Variants in ASPRV1 observed in about 807,000 individuals in gnomAD.
The protein encoded by ASPRV1 is aspartic peptidase retroviral like 1, also known as retroviral-like aspartic protease 1.
In ASPRV1, 7 loss-of-function variants were observed where a neutral mutation model predicts 11.0. That is an observed-to-expected ratio of 0.64 (90% CI 0.36 to 1.20). The LOEUF (loss-of-function observed/expected upper bound fraction) is 1.20. ASPRV1 is among the 50% of genes most tolerant of loss of function. The pLI is 0.02. For missense variants in ASPRV1, 299 were observed against 320.0 expected, an observed-to-expected ratio of 0.93 and a Z score of 0.50; for synonymous variants, 136 against 138.4, an observed-to-expected ratio of 0.98 and a Z score of 0.12.
chr2:70,060,501 T>C, the ASPRV1 span, among the ~76,000 whole-genome samples: 2 of 151,890 alleles, frequency 1.3e-5, no homozygotes, highest in South Asian at 2.1e-4. Context: ...AAGGCAACAA[T>C]ACATACAAAG....
At chr2:69,971,852 T>C in the ASPRV1 span, among the ~76,000 whole-genome samples, 2 of 152,184 alleles carry the variant, frequency 1.3e-5, no homozygotes, top group African/African-American at 2.4e-5. Context: ...AGGGCCAGGC[T>C]GCCTAAATTC....
the ASPRV1 span, among the ~76,000 whole-genome samples, chr2:70,056,774 G>C: frequency 6.6e-6 from 1 of 151,252 alleles, no homozygotes; most frequent in African/African-American, 2.4e-5. Context: ...TGTCACACAG[G>C]CTGGAGTGCA....
At chr2:69,958,715 C>T (rs888218017), downstream of ASPRV1, among the ~76,000 whole-genome samples, 4 of 152,154 alleles carry the variant, frequency 2.6e-5, 1 homozygote, top group South Asian at 8.3e-4. Flanking sequence ...GAGCAGCATG[C>T]GTTAGGCCAC....
the ASPRV1 span, among the ~76,000 whole-genome samples, chr2:70,040,738 G>A: frequency 2.0e-5 from 3 of 152,206 alleles, no homozygotes; most frequent in East Asian, 5.8e-4. Context: ...GGAGGCTGAG[G>A]CAGGAGAATC....
At chr2:70,082,470 G>C in the ASPRV1 span, among the ~76,000 whole-genome samples, 2 of 152,068 alleles carry the variant, frequency 1.3e-5, no homozygotes, top group African/African-American at 4.8e-5. Context: ...CAGAACTTTG[G>C]GAGGCCGGGG....
At chr2:70,075,118 T>A in the ASPRV1 span, 1 of 150,432 alleles carries the variant, frequency 6.6e-6, no homozygotes. Context: ...AACATCTTTT[T>A]TTTTTTTTGA....
chr2:69,961,597 T>A lies in ASPRV1; in HGVS notation c.-161A>T, dbSNP rs753122085. The A allele has an allele frequency of 5.6e-6, 9 of 1,612,616 alleles. No homozygotes were observed. Among genetic ancestry groups the A allele is most frequent in the Non-Finnish European group, 7.6e-6 (9 of 1,178,984 alleles). ...GCAGGAGGGAGCAGGCGCGGTCGGC[T>A]GGCTGACTGCTGGGGCAGAGGCAGG... is the stretch of plus-strand genomic sequence containing the variant. On this transcript the variant is annotated 5_prime_UTR_variant, in exon 1 of 1. Coordinates refer to ENST00000320256, the MANE Select transcript of ASPRV1 (RefSeq NM_152792.4).
chr2:69,944,891 C>T, the ASPRV1 span, among the ~76,000 whole-genome samples: 7 of 152,050 alleles, frequency 4.6e-5, no homozygotes, highest in Admixed American at 4.6e-4. Context: ...TATCCCATGT[C>T]GTCTTGGTGG....
At chr2:70,004,958 C>T in the ASPRV1 span, among the ~76,000 whole-genome samples, 7 of 152,168 alleles carry the variant, frequency 4.6e-5, no homozygotes, top group African/African-American at 1.4e-4. Flanking sequence ...ACGGTATGTG[C>T]TCAGCAAATA....
the ASPRV1 span, chr2:70,046,670 A>C: frequency 6.6e-6 from 1 of 151,982 alleles, no homozygotes; most frequent in Non-Finnish European, 1.5e-5. Context: ...CCCCTGGGGG[A>C]GGGAGGGTGG....
chr2:69,933,662 C>G, the ASPRV1 span, among the ~76,000 whole-genome samples: 2 of 152,172 alleles, frequency 1.3e-5, no homozygotes, highest in African/African-American at 4.8e-5. Flanking sequence ...AAGTCTAATG[C>G]CTTGCTTACT....
the ASPRV1 span, among the ~76,000 whole-genome samples, chr2:70,013,433 A>G: frequency 6.6e-6 from 1 of 152,212 alleles, no homozygotes; most frequent in East Asian, 1.9e-4. Flanking sequence ...TCCTTCATCT[A>G]CTTCAATCAA....
the ASPRV1 span, among the ~76,000 whole-genome samples, chr2:69,985,401 C>T: frequency 4.6e-5 from 7 of 152,220 alleles, no homozygotes; most frequent in African/African-American, 1.4e-4. Context: ...CACTAAATCC[C>T]CTTCCCATGG....
the ASPRV1 span, among the ~76,000 whole-genome samples, chr2:69,949,310 C>T: frequency 6.6e-6 from 1 of 152,086 alleles, no homozygotes. Flanking sequence ...AACGAATTAA[C>T]ACTTTTTAAG....
the ASPRV1 span, among the ~76,000 whole-genome samples, chr2:70,014,797 A>C: frequency 2.5e-5 from 1 of 40,766 alleles, no homozygotes; most frequent in African/African-American, 4.7e-4. Context: ...ACCTTGTCTC[A>C]AAAAAAAAAA....
At chr2:70,030,114 C>G in the ASPRV1 span, 8 of 152,158 alleles carry the variant, frequency 5.3e-5, no homozygotes, top group Non-Finnish European at 8.8e-5. Context: ...AAAAGGATTA[C>G]TACAGCACAA....
upstream of ASPRV1, chr2:69,964,306 G>A (rs1678259886): frequency 2.2e-6 from 1 of 453,568 alleles, no homozygotes; most frequent in South Asian, 1.6e-5. Flanking sequence ...TTCGGGCTGT[G>A]TCTGTCCATA....
chr2:70,014,796 C>CAAAAAAAAAA, the ASPRV1 span, among the ~76,000 whole-genome samples: 6 of 74,014 alleles, frequency 8.1e-5, no homozygotes, highest in African/African-American at 9.2e-5. Flanking sequence ...GACCTTGTCT[C>CAAAAAAAAAA]AAAAAAAAAA....
At chr2:70,044,450 A>T in the ASPRV1 span, among the ~76,000 whole-genome samples, 1 of 151,972 alleles carries the variant, frequency 6.6e-6, no homozygotes, top group Non-Finnish European at 1.5e-5. Context: ...AAAAAAGGAG[A>T]CACCTAATGT....
Sources: gnomAD v4.1 joint callset for allele counts (sites outside exome capture counted in the v4.1 genomes callset) on GRCh38, gnomAD v4.1.1 for gene constraint, MANE v1.5 for transcripts, NCBI Gene and HGNC (gene_info 2026-07-23, HGNC 2026-07-21) for gene names.